The following GARIN1A variants were observed in gnomAD, a reference collection of about 807,000 sequenced individuals.
GARIN1A encodes golgi associated RAB2 interactor 1A, also known as Golgi-associated RAB2 interactor protein 1A.
the GARIN1A span, among the ~76,000 whole-genome samples, chr7:128,682,165 G>A: frequency 6.6e-5 from 10 of 152,076 alleles, no homozygotes; most frequent in Non-Finnish European, 1.0e-4. Context: ...TCCAAGGAAG[G>A]CTCTCTCTTT....
At chr7:128,685,751 A>T in the GARIN1A span, 1 of 152,234 alleles carries the variant, frequency 6.6e-6, no homozygotes, top group African/African-American at 2.4e-5. Context: ...TTGTCCTGGT[A>T]TCATTATTAA....
At chr7:128,680,466 T>G in the GARIN1A span, among the ~76,000 whole-genome samples, 10 of 152,208 alleles carry the variant, frequency 6.6e-5, no homozygotes, top group Admixed American at 3.3e-4. Context: ...TATTGACTAT[T>G]TCCAATCCAA....
chr7:128,677,639 C>T, the GARIN1A span: 5 of 1,613,666 alleles, frequency 3.1e-6, no homozygotes, highest in East Asian at 2.2e-5. Context: ...GGACAGTGAC[C>T]GAAAAGATCT....
the GARIN1A span, among the ~76,000 whole-genome samples, chr7:128,706,026 CCTCT>C: frequency 1.3e-5 from 2 of 151,862 alleles, no homozygotes; most frequent in South Asian, 2.1e-4. Context: ...GGAAGAGGTT[CCTCT>C]CTCTCTCCCT....
chr7:128,674,141 C>A, the GARIN1A span, among the ~76,000 whole-genome samples: 1 of 152,096 alleles, frequency 6.6e-6, no homozygotes, highest in Non-Finnish European at 1.5e-5. Context: ...GATCTGCCCG[C>A]CTTGGCCTCC....
At chr7:128,691,359 G>A in the GARIN1A span, 27,378 of 152,272 alleles carry the variant, frequency 0.18, 2,817 homozygotes, top group South Asian at 0.27. Context: ...GAGAGGATGA[G>A]GAGAATGGGG....
the GARIN1A span, among the ~76,000 whole-genome samples, chr7:128,708,202 T>G: frequency 6.7e-6 from 1 of 150,330 alleles, no homozygotes; most frequent in African/African-American, 2.5e-5. Flanking sequence ...TTTTTTTTAA[T>G]TTTTAGTAGA....
chr7:128,704,840 G>A, the GARIN1A span, among the ~76,000 whole-genome samples: 8 of 152,142 alleles, frequency 5.3e-5, no homozygotes, highest in Non-Finnish European at 1.0e-4. Flanking sequence ...TGGGGGCTGG[G>A]GACCCCTGCT....
the GARIN1A span, chr7:128,684,311 A>C: frequency 1.3e-5 from 2 of 152,352 alleles, no homozygotes; most frequent in Middle Eastern, 3.4e-3. Context: ...GCTCCACTAT[A>C]TCAAGCAAGA....
the GARIN1A span, chr7:128,693,475 A>G: frequency 5.2e-6 from 1 of 190,866 alleles, no homozygotes; most frequent in South Asian, 1.3e-4. Flanking sequence ...AAGTTCCATG[A>G]GCAGAAGCTG....
the GARIN1A span, among the ~76,000 whole-genome samples, chr7:128,674,830 C>T: frequency 6.6e-5 from 10 of 152,164 alleles, no homozygotes; most frequent in African/African-American, 2.4e-4. Flanking sequence ...CATAGTGGCT[C>T]ATGCCTGTGA....
the GARIN1A span, chr7:128,675,809 A>T: frequency 2.5e-6 from 4 of 1,613,566 alleles, no homozygotes; most frequent in East Asian, 6.7e-5. Context: ...CCCAGGGTCC[A>T]TTTACCACCT....
the GARIN1A span, among the ~76,000 whole-genome samples, chr7:128,678,606 C>G: frequency 1.3e-5 from 2 of 152,026 alleles, no homozygotes; most frequent in African/African-American, 2.4e-5. Flanking sequence ...GAGTTCGAGA[C>G]CAGCCTGCCC....
chr7:128,690,207 A>G, the GARIN1A span, among the ~76,000 whole-genome samples: 1 of 152,306 alleles, frequency 6.6e-6, no homozygotes, highest in South Asian at 2.1e-4. Flanking sequence ...GCTTGAAGGC[A>G]GCATGCTCGT....
At chr7:128,675,793 C>A in the GARIN1A span, 1 of 1,613,902 alleles carries the variant, frequency 6.2e-7, no homozygotes, top group South Asian at 1.1e-5. Flanking sequence ...GCCAATGTTA[C>A]CTGGCCCCAG....
the GARIN1A span, among the ~76,000 whole-genome samples, chr7:128,679,831 C>T: frequency 6.6e-6 from 1 of 152,160 alleles, no homozygotes; most frequent in East Asian, 1.9e-4. Flanking sequence ...CTGCAGTTGA[C>T]CAGGGAGCAG....
chr7:128,694,554 AAAG>A, the GARIN1A span, among the ~76,000 whole-genome samples: 14 of 151,826 alleles, frequency 9.2e-5, no homozygotes, highest in Non-Finnish European at 2.1e-4. Context: ...AGAAAGAAAG[AAAG>A]AAAAAAACCA....
At chr7:128,675,775 T>C in the GARIN1A span, 1 of 1,613,860 alleles carries the variant, frequency 6.2e-7, no homozygotes, top group Non-Finnish European at 8.5e-7. Flanking sequence ...CCCAATGTCC[T>C]CCTGATGGCC....
the GARIN1A span, chr7:128,672,522 C>A: frequency 6.2e-7 from 1 of 1,610,126 alleles, no homozygotes; most frequent in Non-Finnish European, 8.5e-7. Flanking sequence ...TTCTCCAACT[C>A]GGTGGTGTTT....
Sources: allele counts gnomAD v4.1 joint callset (sites outside exome capture counted in the v4.1 genomes callset), GRCh38; gene constraint gnomAD v4.1.1; transcripts MANE v1.5; gene names NCBI Gene and HGNC (gene_info 2026-07-23, HGNC 2026-07-21).